GMDS: variants seen among roughly 807,000 people sequenced by gnomAD.
GMDS encodes GDP-mannose 4,6-dehydratase.
A neutral mutation model predicts 49.9 loss-of-function variants in GMDS; 20 were observed. The observed-to-expected ratio is 0.40, with a 90% confidence interval of 0.28 to 0.58. GMDS has a LOEUF of 0.58. Among genes scored for constraint, GMDS ranks in the 20% least tolerant of loss-of-function variants. The pLI is 0.42. For synonymous variants in GMDS, 177 were observed against 178.6 expected, an observed-to-expected ratio of 0.99 and a Z score of 0.07; for missense variants, 362 against 481.4, an observed-to-expected ratio of 0.75 and a Z score of 2.32.
At chr6:2,089,357 T>A (rs1773189374) in intron 4 of GMDS, among the ~76,000 whole-genome samples, 1 of 151,984 alleles carries the variant, frequency 6.6e-6, no homozygotes. Flanking sequence ...AATAGACTAT[T>A]TGTGAGATGA....
chr6:1,894,130 C>T (rs879454120), intron 7 of GMDS, among the ~76,000 whole-genome samples: 5 of 152,206 alleles, frequency 3.3e-5, no homozygotes, highest in Non-Finnish European at 7.3e-5. Flanking sequence ...TTAGCTATCA[C>T]ATTTTTCTTC....
chr6:2,154,862 G>GAAAAAAAAA lies in GMDS; in HGVS notation c.103-30132_103-30131insTTTTTTTTT, dbSNP rs1562103386. ...AACAAAAGCCTCTTATTGAAGAGATGCAAAAAAAAAAAAAAAAAAAAAAAG... is the reference window on the plus strand; with the variant it reads ...AACAAAAGCCTCTTATTGAAGAGATGAAAAAAAAACAAAAAAAAAAAAAAAAAAAAAAAG... On this transcript the variant is annotated intron_variant, in intron 1 of 10. Transcript: ENST00000380815. 9.5e-4 allele frequency among the ~76,000 whole-genome samples: 32 copies of GAAAAAAAAA among 33,802 alleles called. 1 individual carries two copies. Among genetic ancestry groups the GAAAAAAAAA allele is most frequent in the African/African-American group, 2.2e-3 (29 of 13,168 alleles). 22.2% of individuals were successfully genotyped at this position (33,802 alleles called of 152,430 possible).
At chr6:1,776,821 G>A (rs3800058) in intron 7 of GMDS, among the ~76,000 whole-genome samples, 69,089 of 151,626 alleles carry the variant, frequency 0.46, 16,796 homozygotes, top group African/African-American at 0.62. Context: ...TGGGCACTTA[G>A]CTTGCCTGCC....
chr6:2,075,471 T>C (rs1772279679), intron 4 of GMDS, among the ~76,000 whole-genome samples: 1 of 152,220 alleles, frequency 6.6e-6, no homozygotes. Context: ...AGTGTTCTCA[T>C]TGTTCAATTC....
chr6:2,127,425 G>A (rs961817506), intron 1 of GMDS, among the ~76,000 whole-genome samples: 16 of 151,642 alleles, frequency 1.1e-4, no homozygotes, highest in African/African-American at 3.6e-4. Flanking sequence ...AAAAAAGCCA[G>A]AGGTAAACGT....
intron 6 of GMDS, among the ~76,000 whole-genome samples, chr6:1,932,193 C>T (rs187845097): frequency 2.7e-4 from 41 of 152,216 alleles, no homozygotes; most frequent in African/African-American, 9.6e-4. Context: ...TGAGGAAGGG[C>T]CTTTCTCTTC....
chr6:1,689,242 C>T (rs6930063), intron 9 of GMDS, among the ~76,000 whole-genome samples: 53,699 of 152,062 alleles, frequency 0.35, 9,775 homozygotes, highest in East Asian at 0.5. Flanking sequence ...GATTCTGCAA[C>T]CACTTCTCTC....
chr6:1,725,181 G>A (rs1766532267), intron 9 of GMDS, among the ~76,000 whole-genome samples: 1 of 152,118 alleles, frequency 6.6e-6, no homozygotes, highest in African/African-American at 2.4e-5. Context: ...ACATATGAAC[G>A]TTTCTCTCTA....
chr6:2,104,427 T>A (rs575397587), intron 4 of GMDS, among the ~76,000 whole-genome samples: 1 of 152,368 alleles, frequency 6.6e-6, no homozygotes, highest in African/African-American at 2.4e-5. Context: ...CTGTCACTCA[T>A]CTTTCACTAC....
chr6:2,234,089 T>C (rs952503949), intron 1 of GMDS, among the ~76,000 whole-genome samples: 3 of 152,148 alleles, frequency 2.0e-5, no homozygotes, highest in Non-Finnish European at 4.4e-5. Context: ...ACAAACTGAA[T>C]GTCATTGGTA....
chr6:2,124,561 G>A (rs1226155479), intron 2 of GMDS, 126 bp downstream of exon 2: 5 of 761,342 alleles, frequency 6.6e-6, no homozygotes, highest in Non-Finnish European at 1.2e-5. Flanking sequence ...TTCTTCCCCG[G>A]ATTCTGATTT....
At chr6:2,132,441 A>G (rs1223094791) in intron 1 of GMDS, among the ~76,000 whole-genome samples, 2 of 152,192 alleles carry the variant, frequency 1.3e-5, no homozygotes, top group Non-Finnish European at 1.5e-5. Context: ...TTCCTGGTCT[A>G]GATAGGATTA....
chr6:1,903,036 G>A (rs924357404), intron 7 of GMDS, among the ~76,000 whole-genome samples: 1 of 152,082 alleles, frequency 6.6e-6, no homozygotes, highest in Non-Finnish European at 1.5e-5. Context: ...TGCATCAAAT[G>A]TGTCTATTAT....
chr6:1,914,562 G>A (rs925469338), intron 7 of GMDS, among the ~76,000 whole-genome samples: 8 of 152,176 alleles, frequency 5.3e-5, no homozygotes, highest in African/African-American at 1.9e-4. Context: ...CTGGTTTACT[G>A]TAGTTATTCA....
At chr6:2,027,445 G>A (rs189920555) in intron 4 of GMDS, among the ~76,000 whole-genome samples, 1 of 152,250 alleles carries the variant, frequency 6.6e-6, no homozygotes, top group East Asian at 1.9e-4. Flanking sequence ...CAGGGAATTT[G>A]AAAGATTTTT....
intron 4 of GMDS, among the ~76,000 whole-genome samples, chr6:2,081,409 A>G (rs1772685722): frequency 6.6e-6 from 1 of 151,938 alleles, no homozygotes; most frequent in Non-Finnish European, 1.5e-5. Flanking sequence ...GGACCACACA[A>G]AGTCTTTCAT....
intron 4 of GMDS, among the ~76,000 whole-genome samples, chr6:1,968,596 T>C (rs1048456973): frequency 2.6e-5 from 4 of 152,054 alleles, no homozygotes; most frequent in Non-Finnish European, 5.9e-5. Flanking sequence ...CTTCCTCAAA[T>C]GGTAGTCTGG....
chr6:2,151,004 C>T (rs9503109), intron 1 of GMDS, among the ~76,000 whole-genome samples: 23,790 of 152,018 alleles, frequency 0.16, 4,243 homozygotes, highest in African/African-American at 0.43. Context: ...CTAGATTTAA[C>T]GAGACAAACT....
chr6:2,220,343 T>C lies in GMDS; in HGVS notation c.102+24978A>G, dbSNP rs994364882. On this transcript the variant is annotated intron_variant, in intron 1 of 10. Transcript: ENST00000380815. ...AGCCTGCTGCTGTGTGCTGTTGCTG[T>C]GGTTTAGCAGCTGGTACAGATGTCT... Among the ~76,000 whole-genome samples the C allele has an allele frequency of 3.9e-5, 6 of 152,346 alleles. No homozygotes were observed. The South Asian group carries it at 1.2e-3, about 32-fold the overall frequency.
Sources: gnomAD v4.1 joint callset for allele counts (sites outside exome capture counted in the v4.1 genomes callset) on GRCh38, gnomAD v4.1.1 for gene constraint, MANE v1.5 for transcripts, NCBI Gene and HGNC (gene_info 2026-07-23, HGNC 2026-07-21) for gene names.